Variants in GAREM1 observed in about 807,000 individuals in gnomAD.
GAREM1 encodes the protein GRB2-associated and regulator of MAPK protein 1.
In GAREM1, 26 loss-of-function variants were observed where a neutral mutation model predicts 71.3. That is an observed-to-expected ratio of 0.36 (90% CI 0.27 to 0.51). The LOEUF (loss-of-function observed/expected upper bound fraction) is 0.51, where lower values mean the gene tolerates loss of function less well. Ranked by LOEUF, GAREM1 falls within the 20% of genes least tolerant of loss-of-function variation. The pLI, the probability that GAREM1 is intolerant of heterozygous loss-of-function variation, is 0.95. For synonymous variants in GAREM1, 440 were observed against 433.2 expected (o/e 1.02, Z -0.20); for missense variants, 1,026 against 1,103.1 (o/e 0.93, Z 0.99).
At chr18:32,362,907 C>T (rs1440745174) in intron 2 of GAREM1, among the ~76,000 whole-genome samples, 1 of 152,160 alleles carries the variant, frequency 6.6e-6, no homozygotes, top group Admixed American at 6.6e-5. Context: ...TCATTTTATA[C>T]CAACTAGCAA....
At chr18:32,363,983 AATACATATATACATAT>A (rs1567980434) in intron 2 of GAREM1, among the ~76,000 whole-genome samples, 1 of 62,700 alleles carries the variant, frequency 1.6e-5, no homozygotes, top group African/African-American at 5.4e-5. Flanking sequence ...CAAATACATA[AATACATATATACATAT>A]ATATATATAT....
chr18:32,369,632 C>T (rs17805881), intron 2 of GAREM1, among the ~76,000 whole-genome samples: 5,112 of 152,186 alleles, frequency 0.034, 133 homozygotes, highest in East Asian at 0.11. Flanking sequence ...TTGTTGAAAA[C>T]ATCAAGGATT....
At chr18:32,363,346 T>C (rs978263487) in intron 2 of GAREM1, among the ~76,000 whole-genome samples, 5 of 152,310 alleles carry the variant, frequency 3.3e-5, no homozygotes, top group Middle Eastern at 3.4e-3. Flanking sequence ...AATGTAAATG[T>C]TACCTTGGAC....
At chr18:32,426,528 C>A (rs1228099839) in intron 1 of GAREM1, among the ~76,000 whole-genome samples, 1 of 152,184 alleles carries the variant, frequency 6.6e-6, no homozygotes, top group Non-Finnish European at 1.5e-5. Context: ...CAGGTCTGTT[C>A]TTTCAGTTTC....
At chr18:32,416,391 A>C (rs1174611684) in intron 1 of GAREM1, among the ~76,000 whole-genome samples, 1 of 152,170 alleles carries the variant, frequency 6.6e-6, no homozygotes, top group Non-Finnish European at 1.5e-5. Context: ...ATGGAACCAC[A>C]AAAGACCCAG....
chr18:32,272,456 G>A (rs920453383), intron 4 of GAREM1, among the ~76,000 whole-genome samples: 5 of 152,136 alleles, frequency 3.3e-5, no homozygotes, highest in African/African-American at 1.2e-4. Context: ...GAAAATATTC[G>A]GAGCAGCAGA....
Position 32,364,017 on chromosome 18 carries a change from T to TATAC in GAREM1, c.262+28877_262+28878insGTAT, listed in dbSNP as rs1204576151. ...ATACATATATATATATATATATATATATATATATATGTTTTTTTTTTTTTT... is the reference window on the plus strand; with the variant it reads ...ATACATATATATATATATATATATATATACATATATATATGTTTTTTTTTTTTTT... On this transcript the variant is annotated intron_variant, in intron 2 of 5. Transcript: ENST00000269209. Among the ~76,000 whole-genome samples, 3 of 64,636 alleles carry TATAC rather than the reference T, an allele frequency of 4.6e-5. 1 individual carries two copies. The highest frequency in any genetic ancestry group is 8.1e-5 in the Non-Finnish European group (3 of 37,018). 42.4% of individuals were successfully genotyped at this position (64,636 alleles called of 152,430 possible).
rs111887956 is a variant in GAREM1, at chr18:32,307,981, T to C, written c.393+2212A>G. Reference sequence around the variant, plus strand: ...AAAACCTTTTGTGTATTTCTTTATGTAAATTTCCTGAGGTTCCTATAACAA... The same window carrying C: ...AAAACCTTTTGTGTATTTCTTTATGCAAATTTCCTGAGGTTCCTATAACAA... On this transcript the variant is annotated intron_variant, in intron 3 of 5. Transcript: ENST00000269209. Among the ~76,000 whole-genome samples the C allele has an allele frequency of 2.1e-3, 316 of 152,332 alleles. 2 individuals are homozygous for C. Among genetic ancestry groups the C allele is most frequent in the African/African-American group, 7.2e-3 (298 of 41,574 alleles).
chr18:32,284,323 T>C (rs1274239172), intron 4 of GAREM1, among the ~76,000 whole-genome samples: 2 of 152,206 alleles, frequency 1.3e-5, no homozygotes, highest in African/African-American at 4.8e-5. Flanking sequence ...CTGAAAAGAT[T>C]CTCTTATGTC....
chr18:32,281,201 G>A (rs548939638), intron 4 of GAREM1, among the ~76,000 whole-genome samples: 2 of 152,268 alleles, frequency 1.3e-5, no homozygotes, highest in Admixed American at 1.3e-4. Flanking sequence ...AAATCGATGT[G>A]CAGCTCTCAG....
intron 3 of GAREM1, among the ~76,000 whole-genome samples, chr18:32,308,596 C>T (rs930706036): frequency 6.7e-6 from 1 of 149,430 alleles, no homozygotes; most frequent in East Asian, 2.0e-4. Flanking sequence ...TATCAAAACA[C>T]TAATGGAATA....
intron 1 of GAREM1, among the ~76,000 whole-genome samples, chr18:32,402,261 T>C (rs750451560): frequency 1.6e-4 from 24 of 152,168 alleles, no homozygotes; most frequent in Non-Finnish European, 2.9e-4. Flanking sequence ...CATCCTGAAA[T>C]TTCCCCACAT....
chr18:32,399,122 C>T (rs1599019679), intron 1 of GAREM1, among the ~76,000 whole-genome samples: 1 of 152,098 alleles, frequency 6.6e-6, no homozygotes, highest in East Asian at 1.9e-4. Context: ...ATTCAACAGC[C>T]CTTCATGCTA....
intron 1 of GAREM1, among the ~76,000 whole-genome samples, chr18:32,462,398 A>T (rs2048961013): frequency 6.6e-6 from 1 of 152,166 alleles, no homozygotes; most frequent in Non-Finnish European, 1.5e-5. Context: ...TATACCTATA[A>T]GCCATTTGTA....
intron 1 of GAREM1, among the ~76,000 whole-genome samples, chr18:32,405,306 C>T (rs530177359): frequency 1.3e-5 from 2 of 152,174 alleles, no homozygotes; most frequent in East Asian, 1.9e-4. Flanking sequence ...TCAAGTGATT[C>T]GCCTGCCTCA....
At chr18:32,307,184 A>C (rs2047264340) in intron 3 of GAREM1, among the ~76,000 whole-genome samples, 1 of 152,166 alleles carries the variant, frequency 6.6e-6, no homozygotes, top group African/African-American at 2.4e-5. Flanking sequence ...CTTGTAAATA[A>C]ATATATCAGG....
chr18:32,316,737 C>T (rs1157394422), intron 2 of GAREM1, among the ~76,000 whole-genome samples: 2 of 152,140 alleles, frequency 1.3e-5, no homozygotes, highest in African/African-American at 4.8e-5. Flanking sequence ...TGTGAGCCAC[C>T]GTATGCAGCC....
At chr18:32,436,666 C>T (rs1391006550) in intron 1 of GAREM1, among the ~76,000 whole-genome samples, 6 of 152,082 alleles carry the variant, frequency 3.9e-5, no homozygotes, top group Admixed American at 3.9e-4. Flanking sequence ...CCAACAATTT[C>T]CCTTGAATTT....
At chr18:32,425,853 A>G (rs1427013292) in intron 1 of GAREM1, among the ~76,000 whole-genome samples, 1 of 151,988 alleles carries the variant, frequency 6.6e-6, no homozygotes, top group Non-Finnish European at 1.5e-5. Flanking sequence ...TTTCTTGACA[A>G]TTTTTTGCAT....
Sources: allele counts gnomAD v4.1 joint callset (sites outside exome capture counted in the v4.1 genomes callset), GRCh38; gene constraint gnomAD v4.1.1; transcripts MANE v1.5; gene names NCBI Gene and HGNC (gene_info 2026-07-23, HGNC 2026-07-21).